Variants in CAMK1G observed in about 807,000 individuals in gnomAD.
CAMK1G encodes the protein calcium/calmodulin dependent protein kinase IG.
A neutral mutation model predicts 54.8 loss-of-function variants in CAMK1G; 27 were observed. The observed-to-expected ratio is 0.49, with a 90% CI of 0.36 to 0.68. The LOEUF is 0.68. CAMK1G is among the 30% of genes least tolerant of loss of function. The pLI is 0.00. For missense variants in CAMK1G, 512 were observed against 591.0 expected, an observed-to-expected ratio of 0.87 and a Z score of 1.39; for synonymous variants, 238 against 224.9, an observed-to-expected ratio of 1.06 and a Z score of -0.52.
In CAMK1G at chr1:209,609,071, T is replaced by C; in HGVS notation, c.727T>C (p.Trp243Arg). The C allele has an allele frequency of 6.2e-7, 1 of 1,614,156 alleles. No individual in the cohort carries two copies. The highest frequency in any genetic ancestry group is 2.2e-5 in the East Asian group (1 of 44,892). ...CTACTATGAGTTTGAGTCTCCATTC[T>C]GGGATGACATTTCTGAGTCAGGTAA... ...EGYYEFESPFWDDISESAKDF... is the reference protein window; with the variant it reads ...EGYYEFESPFRDDISESAKDF... Residue 243 changes from tryptophan to arginine, a missense_variant, in exon 8 of 13, where the codon TGG (tryptophan) becomes CGG (arginine). Transcript: ENST00000361322.
chr1:209,585,620 C>T (rs371589811), intron 1 of CAMK1G, among the ~76,000 whole-genome samples: 16 of 152,220 alleles, frequency 1.1e-4, no homozygotes, highest in Admixed American at 3.3e-4. Flanking sequence ...AAGTGCCTAG[C>T]GCGGTGCCCC....
Position 209,600,071 on chromosome 1 carries a change from C to T in CAMK1G, c.181C>T (p.Arg61Trp), listed in dbSNP as rs145309971. 317 of 1,613,782 alleles carry T rather than the reference C, an allele frequency of 2.0e-4. No homozygotes were observed. Among genetic ancestry groups the T allele is most frequent in the Non-Finnish European group, 2.5e-4 (293 of 1,179,866 alleles). ...GTGCATCAAGAAGTCACCTGCCTTC[C>T]GGGACAGCAGCCTGGAGAATGAGAT... ...LKCIKKSPAFRDSSLENEIAV... is the reference protein window; with the variant it reads ...LKCIKKSPAFWDSSLENEIAV... Residue 61 changes from arginine (R) to tryptophan (W), a missense_variant, in exon 3 of 13, where the codon CGG (arginine) becomes TGG (tryptophan). Coordinates refer to ENST00000361322, the MANE Select transcript of CAMK1G (RefSeq NM_020439.3).
chr1:209,611,150 A>G (rs1030094442), intron 9 of CAMK1G, among the ~76,000 whole-genome samples: 1 of 152,240 alleles, frequency 6.6e-6, no homozygotes, highest in Admixed American at 6.5e-5. Flanking sequence ...GGAGCCACAG[A>G]CAATACCTGA....
intron 9 of CAMK1G, among the ~76,000 whole-genome samples, chr1:209,610,958 G>T (rs746161709): frequency 2.0e-5 from 3 of 152,208 alleles, no homozygotes; most frequent in Admixed American, 1.3e-4. Context: ...ACTGAGGAAG[G>T]CTTCCAGGAG....
At chr1:209,584,861 G>A (rs1665054736) in intron 1 of CAMK1G, among the ~76,000 whole-genome samples, 1 of 152,192 alleles carries the variant, frequency 6.6e-6, no homozygotes. Flanking sequence ...ACCCACCTCT[G>A]AAACAGGCCG....
At chr1:209,612,941 GGA>G (rs1665819552) in intron 12 of CAMK1G, 29 bp downstream of exon 12, 2 of 1,182,912 alleles carry the variant, frequency 1.7e-6, no homozygotes, top group Admixed American at 3.4e-5. Flanking sequence ...TGAGGCTTGG[GGA>G]GAGTTTCTGT....
intron 1 of CAMK1G, among the ~76,000 whole-genome samples, chr1:209,586,817 CCT>C (rs1410542183): frequency 2.0e-5 from 3 of 152,074 alleles, no homozygotes; most frequent in African/African-American, 7.2e-5. Context: ...TACAATGGCC[CCT>C]GTGTGTTGAC....
At chr1:209,607,789 C>A (rs1417324302) in intron 6 of CAMK1G, 69 bp from the exon 7 acceptor site, 5 of 1,316,264 alleles carry the variant, frequency 3.8e-6, no homozygotes, top group Admixed American at 2.0e-5. Context: ...CTAAGCCTGG[C>A]CTTCAGCTCC....
At chr1:209,585,526 C>G (rs1359370695) in intron 1 of CAMK1G, among the ~76,000 whole-genome samples, 1 of 152,202 alleles carries the variant, frequency 6.6e-6, no homozygotes, top group Admixed American at 6.5e-5. Context: ...TTTTTCTGAA[C>G]ATTTCTACTT....
At position 209,600,079 on chromosome 1, in the gene CAMK1G, C is replaced by G. The variant is rs774813964; in HGVS notation, c.189C>G (p.Ser63Arg). 6.2e-7 allele frequency: 1 copy of G among 1,613,870 alleles called. No homozygotes were observed. The highest frequency in any genetic ancestry group is 8.5e-7 in the Non-Finnish European group (1 of 1,179,848). ...CIKKSPAFRDSSLENEIAVLK... is the reference protein window; with the variant it reads ...CIKKSPAFRDRSLENEIAVLK... The stretch of plus-strand genomic sequence containing the variant: ...AGAAGTCACCTGCCTTCCGGGACAG[C>G]AGCCTGGAGAATGAGATTGCTGTGT... The change falls in exon 3 of 13, where the codon AGC becomes AGG. Residue 63 changes from serine (S) to arginine (R), a missense_variant. Physicochemically the swap from Ser to Arg is moderately radical, Grantham distance 110. This residue lies in a region of CAMK1G where 186 missense variants were observed against 231.5 expected (regional missense o/e 0.80). Coordinates refer to ENST00000361322, the MANE Select transcript of CAMK1G (RefSeq NM_020439.3).
intron 2 of CAMK1G, among the ~76,000 whole-genome samples, chr1:209,599,501 CG>C (rs143910618): frequency 1.8e-4 from 28 of 152,244 alleles, no homozygotes; most frequent in African/African-American, 6.7e-4. Context: ...ATCTCCCAAG[CG>C]TTAGTTGTGG....
rs551621183 is a variant in CAMK1G, at chr1:209,593,703, A to G, written c.-29-1252A>G. ...GACTCCCAGAATACATCCCAGGTTCATCATTCTCTCCTTCACTCCCATCTG... is the reference window on the plus strand; with the variant it reads ...GACTCCCAGAATACATCCCAGGTTCGTCATTCTCTCCTTCACTCCCATCTG... On this transcript the variant is annotated intron_variant, in intron 1 of 12. Transcript: ENST00000361322. 5.2e-4 allele frequency among the ~76,000 whole-genome samples: 79 copies of G among 152,292 alleles called. 5 individuals carry two copies. In the South Asian group the frequency reaches 0.015, roughly 28 times the overall value.
intron 1 of CAMK1G, among the ~76,000 whole-genome samples, chr1:209,591,200 C>T (rs1193620698): frequency 1.3e-5 from 2 of 152,154 alleles, no homozygotes; most frequent in African/African-American, 4.8e-5. Flanking sequence ...GCCAGTGAGA[C>T]CTCCTCTGGC....
chr1:209,608,995 C>T lies in CAMK1G; in HGVS notation c.651C>T (p.Pro217=). Residue 217 remains proline, a synonymous_variant, in exon 8 of 13, where the codon CCC becomes CCT. Transcript: ENST00000361322. ...VITYILLCGY[P]PFYEETESKL... ...CCTGCTGCAGGCTCTGTGGATACCC[C>T]CCATTCTATGAAGAAACGGAGTCTA... 1 of 1,614,106 alleles carries T rather than the reference C, an allele frequency of 6.2e-7. No homozygotes were observed. Among genetic ancestry groups the T allele is most frequent in the Non-Finnish European group, 8.5e-7 (1 of 1,180,006 alleles).
intron 1 of CAMK1G, among the ~76,000 whole-genome samples, chr1:209,584,198 C>A (rs1443132516): frequency 6.6e-6 from 1 of 152,218 alleles, no homozygotes; most frequent in Non-Finnish European, 1.5e-5. Flanking sequence ...CATCTCTTAA[C>A]CTCTCTGACC....
At position 209,606,112 on chromosome 1, in the gene CAMK1G, C is replaced by A. The variant is rs558538904; in HGVS notation, c.436-208C>A. On this transcript the variant is annotated intron_variant, in intron 5 of 12. Coordinates refer to ENST00000361322, the MANE Select transcript of CAMK1G (RefSeq NM_020439.3). ...GTATATTAATGTTTACAAGACCGAGCAAAGTCAGAGCCATAAGCAAGGTGC... is the reference window on the plus strand; with the variant it reads ...GTATATTAATGTTTACAAGACCGAGAAAAGTCAGAGCCATAAGCAAGGTGC... 2.6e-5 allele frequency among the ~76,000 whole-genome samples: 4 copies of A among 152,178 alleles called. No homozygotes were observed. In the South Asian group the frequency reaches 8.3e-4, roughly 32 times the overall value.
chr1:209,606,376 C>T lies in CAMK1G; in HGVS notation c.492C>T (p.Asp164=), dbSNP rs1558140446. ...PEENSKIMIT[D]FGLSKMEQNG... is the part of the protein sequence containing the mutation. ...AGAACTCTAAGATCATGATCACTGACTTTGGTCTGTCCAAGATGGAACAGA... is the reference window on the plus strand; with the variant it reads ...AGAACTCTAAGATCATGATCACTGATTTTGGTCTGTCCAAGATGGAACAGA... The change falls in exon 6 of 13, where the codon GAC becomes GAT. Residue 164 remains aspartate (D), a synonymous_variant. Coordinates refer to ENST00000361322, the MANE Select transcript of CAMK1G (RefSeq NM_020439.3). 3.7e-6 allele frequency: 6 copies of T among 1,614,040 alleles called. No individual in the cohort carries two copies. Among genetic ancestry groups the T allele is most frequent in the Non-Finnish European group, 5.1e-6 (6 of 1,179,998 alleles).
chr1:209,606,191 G>T (rs1665645770), intron 5 of CAMK1G, 129 bp from the exon 6 acceptor site: 3 of 1,182,890 alleles, frequency 2.5e-6, no homozygotes, highest in Admixed American at 4.1e-5. Context: ...AGGGAAGAAT[G>T]GGGGAGGATG....
rs1665648968 is a variant in CAMK1G at position 209,606,311 on chromosome 1, C to G, written c.436-9C>G. The G allele has an allele frequency of 6.2e-7, 1 of 1,610,932 alleles. No individual in the cohort carries two copies. The highest frequency in any genetic ancestry group is 1.3e-5 in the African/African-American group (1 of 74,824). On this transcript the variant is annotated splice_polypyrimidine_tract_variant and intron_variant, in intron 5 of 12. Transcript: ENST00000361322. Reference sequence around the variant, plus strand: ...TTATATCCTACACTACATATTTTTTCTCCTACAGCCCGAAAACCTGCTTTA... The same window carrying G: ...TTATATCCTACACTACATATTTTTTGTCCTACAGCCCGAAAACCTGCTTTA...
Sources: allele counts gnomAD v4.1 joint callset (sites outside exome capture counted in the v4.1 genomes callset), GRCh38; gene constraint gnomAD v4.1.1; regional missense constraint gnomAD v4.1.1; transcripts MANE v1.5; gene names NCBI Gene and HGNC (gene_info 2026-07-23, HGNC 2026-07-21).